The following CDKAL1 variants were observed in gnomAD, a reference collection of about 807,000 sequenced individuals.
The protein encoded by CDKAL1 is threonylcarbamoyladenosine tRNA methylthiotransferase.
CDKAL1 carries 32 observed loss-of-function variants against 68.2 expected under a neutral mutation model. That is an observed-to-expected ratio of 0.47 (90% CI 0.35 to 0.63). CDKAL1 has a LOEUF of 0.63. Ranked by LOEUF, CDKAL1 falls within the 30% of genes least tolerant of loss-of-function variation. The pLI, the probability that CDKAL1 is intolerant of heterozygous loss-of-function variation, is 0.00. For missense variants in CDKAL1, 606 were observed against 696.7 expected, an observed-to-expected ratio of 0.87 and a Z score of 1.47; for synonymous variants, 234 against 244.3, an observed-to-expected ratio of 0.96 and a Z score of 0.39.
At chr6:21,125,424 G>A (rs1057474791) in intron 13 of CDKAL1, among the ~76,000 whole-genome samples, 1 of 152,098 alleles carries the variant, frequency 6.6e-6, no homozygotes, top group East Asian at 1.9e-4. Flanking sequence ...TATAATCCCA[G>A]CACTTTGGGA....
intron 9 of CDKAL1, among the ~76,000 whole-genome samples, chr6:20,953,801 T>G (rs1358849873): frequency 6.6e-6 from 1 of 152,196 alleles, no homozygotes; most frequent in Non-Finnish European, 1.5e-5. Flanking sequence ...TAAGCAAAGG[T>G]TTATTATTTC....
chr6:20,593,808 G>A (rs960953142), intron 4 of CDKAL1, among the ~76,000 whole-genome samples: 3 of 152,172 alleles, frequency 2.0e-5, no homozygotes, highest in African/African-American at 7.2e-5. Context: ...TCTGCTGTGG[G>A]CATTTAGTGC....
chr6:21,046,597 G>A (rs1050291557), intron 11 of CDKAL1, among the ~76,000 whole-genome samples: 14 of 152,348 alleles, frequency 9.2e-5, no homozygotes, highest in East Asian at 3.9e-4. Context: ...GAGACACAAC[G>A]GAGCTGCTCC....
intron 12 of CDKAL1, among the ~76,000 whole-genome samples, chr6:21,099,730 T>A (rs918583452): frequency 2.0e-5 from 3 of 152,260 alleles, no homozygotes; most frequent in Admixed American, 2.0e-4. Flanking sequence ...GACGTTTGAA[T>A]GAACCATTGT....
chr6:20,732,415 G>A (rs1403465002), intron 5 of CDKAL1, among the ~76,000 whole-genome samples: 31 of 149,744 alleles, frequency 2.1e-4, no homozygotes, highest in Non-Finnish European at 1.8e-4. Flanking sequence ...AGCTGGGATT[G>A]CAGCTGTGCA....
rs935387422 is a variant in CDKAL1, at chr6:21,140,874, C to T, written c.1299+32411C>T. ...TACAGTTCCACATGGCTGGGGAGGC[C>T]TCCGAATCATGGCGGGAGGCAAAAG... On this transcript the variant is annotated intron_variant, in intron 13 of 15. Transcript: ENST00000274695. 3.3e-5 allele frequency among the ~76,000 whole-genome samples: 5 copies of T among 152,156 alleles called. No homozygotes were observed. In the South Asian group the frequency reaches 6.2e-4, roughly 19 times the overall value.
intron 9 of CDKAL1, among the ~76,000 whole-genome samples, chr6:20,848,278 T>TTTTTTTTTG (rs1778450649): frequency 1.1e-5 from 1 of 89,778 alleles, no homozygotes; most frequent in Non-Finnish European, 2.3e-5. Flanking sequence ...GCTGGAAAGT[T>TTTTTTTTTG]GTTTTTTTTT....
At chr6:20,792,663 T>C (rs767228808) in intron 8 of CDKAL1, among the ~76,000 whole-genome samples, 9 of 152,248 alleles carry the variant, frequency 5.9e-5, no homozygotes, top group Non-Finnish European at 1.2e-4. Flanking sequence ...CCCTTGTAAC[T>C]GGAAGATATC....
At chr6:21,195,621 C>T (rs1466474999) in intron 13 of CDKAL1, among the ~76,000 whole-genome samples, 2 of 152,004 alleles carry the variant, frequency 1.3e-5, no homozygotes, top group Admixed American at 6.6e-5. Flanking sequence ...AGCAATCCTT[C>T]CACTTCAGCC....
intron 11 of CDKAL1, among the ~76,000 whole-genome samples, chr6:21,016,836 CT>C (rs1768367345): frequency 6.6e-6 from 1 of 152,186 alleles, no homozygotes; most frequent in African/African-American, 2.4e-5. Flanking sequence ...ATCACTGCCT[CT>C]TTAAGTAAGT....
At chr6:20,858,929 A>G (rs1206792374) in intron 9 of CDKAL1, among the ~76,000 whole-genome samples, 1 of 152,166 alleles carries the variant, frequency 6.6e-6, no homozygotes, top group Non-Finnish European at 1.5e-5. Context: ...CATTTTTGCT[A>G]GTTTAATATT....
Position 20,540,077 on chromosome 6 carries a change from C to CTTTTTTTTT in CDKAL1, c.-6+4689_-6+4697dup, listed in dbSNP as rs71538791. Among the ~76,000 whole-genome samples the CTTTTTTTTT allele has an allele frequency of 4.2e-4, 55 of 131,230 alleles. 1 individual carries two copies. Among genetic ancestry groups the CTTTTTTTTT allele is most frequent in the African/African-American group, 8.9e-4 (29 of 32,708 alleles). The allele number at this position is 131,230 out of a possible 152,430, so 86.1% of individuals were successfully genotyped here. The stretch of plus-strand genomic sequence containing the variant: ...CTGAGCAGTAGAAGATTGGGATTGT[C>CTTTTTTTTT]TTTTTTTTTTTTTTGAGACAGAGTC... On this transcript the variant is annotated intron_variant, in intron 2 of 15. Transcript: ENST00000274695.
intron 11 of CDKAL1, among the ~76,000 whole-genome samples, chr6:21,014,867 C>G (rs1398354405): frequency 6.6e-6 from 1 of 152,146 alleles, no homozygotes; most frequent in Non-Finnish European, 1.5e-5. Context: ...TGTTGAGTGA[C>G]TATCAGAAAA....
intron 4 of CDKAL1, among the ~76,000 whole-genome samples, chr6:20,587,858 G>C (rs988944923): frequency 2.0e-5 from 3 of 152,160 alleles, no homozygotes; most frequent in Admixed American, 1.3e-4. Context: ...CACTTTGGGA[G>C]GTTAAGTTGG....
chr6:20,797,263 G>GA (rs1204044658), intron 8 of CDKAL1, among the ~76,000 whole-genome samples: 1 of 152,178 alleles, frequency 6.6e-6, no homozygotes, highest in African/African-American at 2.4e-5. Flanking sequence ...CTAAGCACAT[G>GA]TAAAGTTTTT....
chr6:20,535,135 ATTTATTAC>A (rs1371522163), intron 1 of CDKAL1: 11 of 152,210 alleles, frequency 7.2e-5, no homozygotes, highest in African/African-American at 2.7e-4. Context: ...TGAATACAAC[ATTTATTAC>A]TAAAGCCAGA....
At chr6:20,675,031 T>C (rs1432050512) in intron 5 of CDKAL1, among the ~76,000 whole-genome samples, 1 of 152,162 alleles carries the variant, frequency 6.6e-6, no homozygotes, top group African/African-American at 2.4e-5. Context: ...TTTTCTAATA[T>C]TGAATTTACC....
At chr6:20,614,177 G>T (rs1172942843) in intron 4 of CDKAL1, among the ~76,000 whole-genome samples, 3 of 152,042 alleles carry the variant, frequency 2.0e-5, no homozygotes, top group Admixed American at 2.0e-4. Flanking sequence ...TTCATGATAT[G>T]ATTTCCAGAT....
chr6:20,993,087 G>A (rs1766925855), intron 10 of CDKAL1, among the ~76,000 whole-genome samples: 1 of 152,094 alleles, frequency 6.6e-6, no homozygotes, highest in Non-Finnish European at 1.5e-5. Flanking sequence ...AGAGCTAGGA[G>A]AAGGGTTCAT....
Sources: gnomAD v4.1 joint callset for allele counts (sites outside exome capture counted in the v4.1 genomes callset) on GRCh38, gnomAD v4.1.1 for gene constraint, MANE v1.5 for transcripts, NCBI Gene and HGNC (gene_info 2026-07-23, HGNC 2026-07-21) for gene names.